Variants in SUGCT observed in about 807,000 individuals in gnomAD.
SUGCT encodes succinyl-CoA:glutarate CoA-transferase.
Under a neutral mutation model 55.0 loss-of-function variants are expected in SUGCT, and 41 were observed. The ratio of observed to expected loss-of-function variants is 0.74; its 90% confidence interval spans 0.58 to 0.97. The LOEUF (loss-of-function observed/expected upper bound fraction) is 0.97, where lower values mean the gene tolerates loss of function less well. Ranked by LOEUF, SUGCT falls within the 50% of genes least tolerant of loss-of-function variation. The pLI, the probability that SUGCT is intolerant of heterozygous loss-of-function variation, is 0.00. For missense variants in SUGCT, 568 were observed against 547.8 expected, an observed-to-expected ratio of 1.04 and a Z score of -0.37; for synonymous variants, 187 against 200.4, an observed-to-expected ratio of 0.93 and a Z score of 0.56.
chr7:40,890,878 C>T, the SUGCT span, among the ~76,000 whole-genome samples: 4 of 152,098 alleles, frequency 2.6e-5, no homozygotes, highest in Non-Finnish European at 5.9e-5. Context: ...TAAAGAAGTT[C>T]AGTGAGATAC....
At chr7:40,846,218 C>T (rs192958163) in intron 13 of SUGCT, among the ~76,000 whole-genome samples, 3 of 152,088 alleles carry the variant, frequency 2.0e-5, no homozygotes, top group Non-Finnish European at 2.9e-5. Flanking sequence ...CTTGGGAATG[C>T]GCCCAAAGAG....
At chr7:40,770,338 G>A (rs572131648) in intron 13 of SUGCT, among the ~76,000 whole-genome samples, 28 of 152,232 alleles carry the variant, frequency 1.8e-4, no homozygotes, top group Admixed American at 4.6e-4. Context: ...GCAGTTCAGC[G>A]CTGGTATGAC....
intron 12 of SUGCT, chr7:40,538,496 G>A (rs997257020): frequency 6.6e-6 from 1 of 152,108 alleles, no homozygotes; most frequent in Admixed American, 6.5e-5. Flanking sequence ...ATTAGATAAG[G>A]TTACCGTTGT....
At chr7:40,155,909 G>A (rs199833416) in intron 1 of SUGCT, among the ~76,000 whole-genome samples, 1 of 149,102 alleles carries the variant, frequency 6.7e-6, no homozygotes, top group African/African-American at 2.5e-5. Flanking sequence ...CCAGGCTAGA[G>A]TGCAGCGGCA....
intron 6 of SUGCT, among the ~76,000 whole-genome samples, chr7:40,210,221 T>G: frequency 6.6e-6 from 1 of 152,070 alleles, no homozygotes; most frequent in East Asian, 1.9e-4. Context: ...ATTTTTTTTG[T>G]ATTTTTAGTA....
intron 12 of SUGCT, among the ~76,000 whole-genome samples, chr7:40,513,377 A>G (rs1793051292): frequency 6.6e-6 from 1 of 152,138 alleles, no homozygotes; most frequent in Non-Finnish European, 1.5e-5. Flanking sequence ...ATGTGTGGGC[A>G]TCTTGGGGAG....
the SUGCT span, among the ~76,000 whole-genome samples, chr7:40,906,417 G>A: frequency 5.9e-5 from 9 of 152,246 alleles, no homozygotes; most frequent in East Asian, 1.9e-4. Context: ...TAAAATAAAC[G>A]TAGGAACAAC....
chr7:40,958,518 TTTATGTTCTTCTCTAA>T, the SUGCT span, among the ~76,000 whole-genome samples: 1 of 151,860 alleles, frequency 6.6e-6, no homozygotes, highest in African/African-American at 2.4e-5. Flanking sequence ...CATCAGGTCA[TTTATGTTCTTCTCTAA>T]ACTGGTTATT....
intron 13 of SUGCT, among the ~76,000 whole-genome samples, chr7:40,776,052 C>A (rs1007808216): frequency 6.6e-6 from 1 of 152,178 alleles, no homozygotes; most frequent in African/African-American, 2.4e-5. Context: ...TGGCCAAGTT[C>A]CTGCTGAGCC....
At chr7:40,753,322 A>G (rs1322571688) in intron 13 of SUGCT, among the ~76,000 whole-genome samples, 1 of 152,200 alleles carries the variant, frequency 6.6e-6, no homozygotes, top group African/African-American at 2.4e-5. Flanking sequence ...AGAATGTCTC[A>G]ATATGGTAAG....
chr7:40,316,471 C>T (rs1000224343), intron 8 of SUGCT, among the ~76,000 whole-genome samples: 2 of 152,124 alleles, frequency 1.3e-5, no homozygotes, highest in African/African-American at 2.4e-5. Context: ...GGCCAGACCA[C>T]GGTTCCATCT....
chr7:40,796,479 A>G (rs1790559557), intron 13 of SUGCT, among the ~76,000 whole-genome samples: 1 of 152,150 alleles, frequency 6.6e-6, no homozygotes, highest in Admixed American at 6.5e-5. Context: ...GGAAGAGAAG[A>G]AGGAGGAATA....
At chr7:40,406,468 T>C (rs1257121521) in intron 9 of SUGCT, among the ~76,000 whole-genome samples, 1 of 152,150 alleles carries the variant, frequency 6.6e-6, no homozygotes, top group Non-Finnish European at 1.5e-5. Flanking sequence ...AGTTAAACTA[T>C]AAAGTAAATT....
intron 13 of SUGCT, among the ~76,000 whole-genome samples, chr7:40,756,828 G>A (rs867612729): frequency 1.3e-5 from 2 of 152,174 alleles, no homozygotes; most frequent in African/African-American, 2.4e-5. Context: ...TTTTCATGTT[G>A]TGCGTAGTGC....
At chr7:40,691,027 T>A (rs1784674407) in intron 12 of SUGCT, among the ~76,000 whole-genome samples, 1 of 152,228 alleles carries the variant, frequency 6.6e-6, no homozygotes, top group Admixed American at 6.5e-5. Flanking sequence ...TGCACTTGGC[T>A]GTCTGATATT....
At chr7:40,743,248 A>G (rs544677633) in intron 12 of SUGCT, among the ~76,000 whole-genome samples, 1 of 152,216 alleles carries the variant, frequency 6.6e-6, no homozygotes, top group African/African-American at 2.4e-5. Context: ...AAATGACTGT[A>G]TTTTGGAAAT....
chr7:41,038,409 C>T, the SUGCT span, among the ~76,000 whole-genome samples: 5 of 152,234 alleles, frequency 3.3e-5, no homozygotes, highest in African/African-American at 1.2e-4. Flanking sequence ...CCAAGGGAGG[C>T]TCCCATCTCT....
intron 12 of SUGCT, among the ~76,000 whole-genome samples, chr7:40,677,854 A>T (rs565424992): frequency 6.6e-6 from 1 of 152,302 alleles, no homozygotes; most frequent in South Asian, 2.1e-4. Context: ...GTGGGTCTGA[A>T]ATTCAGAAGC....
chr7:40,823,700 T>C (rs1407931133), intron 13 of SUGCT, among the ~76,000 whole-genome samples: 1 of 152,082 alleles, frequency 6.6e-6, no homozygotes, highest in African/African-American at 2.4e-5. Context: ...TTCCTTCTCC[T>C]TTTTTGAGAA....
Sources: allele counts gnomAD v4.1 joint callset (sites outside exome capture counted in the v4.1 genomes callset), GRCh38; gene constraint gnomAD v4.1.1; transcripts MANE v1.5; gene names NCBI Gene and HGNC (gene_info 2026-07-23, HGNC 2026-07-21).